The following SMC4 variants were observed in gnomAD, a reference collection of about 807,000 sequenced individuals.
SMC4 encodes the protein structural maintenance of chromosomes protein 4.
A neutral mutation model predicts 145.6 loss-of-function variants in SMC4; 87 were observed. The observed-to-expected ratio is 0.60, with a 90% CI of 0.50 to 0.71. The LOEUF (loss-of-function observed/expected upper bound fraction) is 0.71. SMC4 is among the 30% of genes least tolerant of loss of function. The pLI, the probability that SMC4 is intolerant of heterozygous loss-of-function variation, is 0.00. For synonymous variants in SMC4, 558 were observed against 500.7 expected, an observed-to-expected ratio of 1.11 and a Z score of -1.53; for missense variants, 1,447 against 1,537.1, an observed-to-expected ratio of 0.94 and a Z score of 0.98.
At chr3:160,405,949 A>ATC (rs1338761852) in intron 5 of SMC4, among the ~76,000 whole-genome samples, 2 of 152,052 alleles carry the variant, frequency 1.3e-5, no homozygotes, top group African/African-American at 2.4e-5. Flanking sequence ...TCCTGGGATA[A>ATC]TCAAAGTTTT....
At position 160,430,719 on chromosome 3, in the gene SMC4, C is replaced by A. The variant is rs369797545; in HGVS notation, c.2916C>A (p.Val972=). 6.2e-7 allele frequency: 1 copy of A among 1,612,094 alleles called. No homozygotes were observed. Among genetic ancestry groups the A allele is most frequent in the Admixed American group, 1.7e-5 (1 of 59,458 alleles). The part of the protein sequence containing the change: ...LKSLEDKAAE[V]VKNTNAAEES... ...GTCTTGAGGACAAAGCAGCAGAGGTCGTAAAGAATACAAATGCTGCAGAGG... is the reference window on the plus strand; with the variant it reads ...GTCTTGAGGACAAAGCAGCAGAGGTAGTAAAGAATACAAATGCTGCAGAGG... Residue 972 remains valine (V), a synonymous_variant, in exon 19 of 24, where the codon GTC becomes GTA. Transcript: ENST00000357388.
chr3:160,402,529 C>T lies in SMC4; in HGVS notation c.319-147C>T, dbSNP rs536505073. The T allele has an allele frequency of 7.0e-6, 5 of 711,430 alleles. No homozygotes were observed. The East Asian group carries it at 1.1e-4, about 16-fold the overall frequency. The allele number at this position is 711,430 out of a possible 1,614,324, so 44.1% of individuals were successfully genotyped here. On this transcript the variant is annotated intron_variant, in intron 3 of 23. Transcript: ENST00000357388. ...GAACTTGATGTAAGAAAACTCAAGT[C>T]GTATGCCTGTGATTAGCAATGAGAA...
chr3:160,403,051 G>A (rs550283084), intron 4 of SMC4, among the ~76,000 whole-genome samples, 184 bp downstream of exon 4: 1 of 152,102 alleles, frequency 6.6e-6, no homozygotes, highest in South Asian at 2.1e-4. Flanking sequence ...TTATTTTTTA[G>A]CTAAAGAAAT....
chr3:160,414,189 A>G lies in SMC4; in HGVS notation c.1122-178A>G, dbSNP rs1253388880. On this transcript the variant is annotated intron_variant, in intron 8 of 23. Transcript: ENST00000357388. Reference sequence around the variant, plus strand: ...AGGCAAAATAGCTGTCATAATCAAAAATACAGGTGCTTCTTCAACTATGGG... The same window carrying G: ...AGGCAAAATAGCTGTCATAATCAAAGATACAGGTGCTTCTTCAACTATGGG... The G allele has an allele frequency of 7.9e-6, 5 of 632,498 alleles. No homozygotes were observed. In the East Asian group the frequency reaches 1.7e-4, roughly 21 times the overall value. 39.2% of individuals were successfully genotyped at this position (632,498 alleles called of 1,614,324 possible). A position where few individuals can be genotyped will look rare whatever the true frequency, so the allele number is the denominator to read the frequency against.
At chr3:160,414,172 T>C (rs1272473612) in intron 8 of SMC4, 195 bp from the exon 9 acceptor site, 1 of 596,026 alleles carries the variant, frequency 1.7e-6, no homozygotes, top group African/African-American at 1.8e-5. Context: ...AAAGGCAAAA[T>C]AGCTGTCATA....
intron 15 of SMC4, 97 bp downstream of exon 15, chr3:160,423,937 G>A (rs969102375): frequency 2.5e-6 from 2 of 808,412 alleles, no homozygotes; most frequent in African/African-American, 1.8e-5. Context: ...TTTAAGTATG[G>A]TGTACTCAAA....
intron 16 of SMC4, among the ~76,000 whole-genome samples, chr3:160,425,560 CT>C (rs1290660595): frequency 6.6e-6 from 1 of 151,882 alleles, no homozygotes; most frequent in African/African-American, 2.4e-5. Flanking sequence ...TATAAATGTA[CT>C]TTGTTTTTAA....
In SMC4 at chr3:160,432,859, C is replaced by G. The variant is rs1209148238; in HGVS notation, c.3531-167C>G. On this transcript the variant is annotated intron_variant, in intron 22 of 23. Transcript: ENST00000357388. ...TTGGTATGTGCTCCTATGTATGCATCCTCCAATAACGTTTTTATAAAATAA... is the reference window on the plus strand; with the variant it reads ...TTGGTATGTGCTCCTATGTATGCATGCTCCAATAACGTTTTTATAAAATAA... The G allele has an allele frequency of 5.1e-6, 3 of 593,186 alleles. No homozygotes were observed. In the African/African-American group the frequency reaches 5.6e-5, roughly 11 times the overall value. 36.7% of individuals were successfully genotyped at this position (593,186 alleles called of 1,614,324 possible).
rs1287969090 is a variant in SMC4 at position 160,419,532 on chromosome 3, T to C, written c.1846T>C (p.Tyr616His). 1.9e-6 allele frequency: 3 copies of C among 1,592,158 alleles called. No homozygotes were observed. The highest frequency in any genetic ancestry group is 2.6e-6 in the Non-Finnish European group (3 of 1,174,638). ...EKKSGRIPGI[Y>H]GRLGDLGAID... Reference sequence around the variant, plus strand: ...AAAATCTGGCAGGATTCCAGGAATATATGGAAGATTGGTAAAGTAGATTTT... The same window carrying C: ...AAAATCTGGCAGGATTCCAGGAATACATGGAAGATTGGTAAAGTAGATTTT... The change falls in exon 12 of 24, where the codon TAT becomes CAT. Residue 616 changes from tyrosine (Y) to histidine (H), a missense_variant. Transcript: ENST00000357388.
At chr3:160,432,157 G>A (rs138417704) in intron 21 of SMC4, 126 bp from the exon 22 acceptor site, 43 of 729,512 alleles carry the variant, frequency 5.9e-5, no homozygotes, top group Admixed American at 3.9e-4. Context: ...AGCCGAGATC[G>A]CGCCATTGCA....
In SMC4 at chr3:160,432,498, T is replaced by G; in HGVS notation, c.3513T>G (p.Ser1171=). The G allele has an allele frequency of 6.3e-7, 1 of 1,599,736 alleles. No individual in the cohort carries two copies. ...TTGTAGACAGCTTGGATCCTTTCTC[T>G]GAAGGAATCATGTTCAGGTGTGTAA... ...LELVDSLDPF[S]EGIMFSVRPP... is the part of the protein sequence containing the mutation. Residue 1171 remains serine, a synonymous_variant, in exon 22 of 24, where the codon TCT becomes TCG. Transcript: ENST00000357388.
chr3:160,400,302 C>G (rs1048949604), intron 1 of SMC4: 2 of 152,476 alleles, frequency 1.3e-5, no homozygotes, highest in African/African-American at 4.8e-5. Context: ...GCGCCAGGAG[C>G]TAAAGGGCGG....
Position 160,431,632 on chromosome 3 carries a change from T to C in SMC4, c.3115-11T>C. The C allele has an allele frequency of 6.4e-7, 1 of 1,564,844 alleles. No individual in the cohort carries two copies. Among genetic ancestry groups the C allele is most frequent in the Non-Finnish European group, 8.6e-7 (1 of 1,161,714 alleles). On this transcript the variant is annotated splice_polypyrimidine_tract_variant and intron_variant, in intron 20 of 23. Coordinates refer to ENST00000357388, the MANE Select transcript of SMC4 (RefSeq NM_001002800.3). ...TGCCTTCTCTAACTCTCCCCTAAAT[T>C]GAACTTTTAGATTTCAAAAATATCA...
intron 13 of SMC4, among the ~76,000 whole-genome samples, 192 bp from the exon 14 acceptor site, chr3:160,423,233 C>T (rs577095028): frequency 6.6e-6 from 1 of 152,156 alleles, no homozygotes; most frequent in South Asian, 2.1e-4. Flanking sequence ...ATAGTATAGG[C>T]ATCTTAACGG....
intron 11 of SMC4, among the ~76,000 whole-genome samples, chr3:160,419,040 A>G (rs1041328914): frequency 6.6e-5 from 10 of 152,222 alleles, no homozygotes; most frequent in South Asian, 2.1e-4. Flanking sequence ...ACACTTATGT[A>G]TAACTATGTA....
chr3:160,408,326 C>T (rs1053616848), intron 5 of SMC4, among the ~76,000 whole-genome samples: 1 of 152,204 alleles, frequency 6.6e-6, no homozygotes. Context: ...GATTTCTAAG[C>T]TGTATTTCAG....
intron 19 of SMC4, 90 bp downstream of exon 19, chr3:160,430,833 A>AGC: frequency 7.1e-7 from 1 of 1,404,076 alleles, no homozygotes; most frequent in Non-Finnish European, 9.6e-7. Flanking sequence ...GAATGTAGTA[A>AGC]GCACTCATAG....
chr3:160,431,642 G>T lies in SMC4; in HGVS notation c.3115-1G>T. On this transcript the variant is annotated splice_acceptor_variant, in intron 20 of 23. Transcript: ENST00000357388. LOFTEE classifies it high-confidence loss of function. ...AACTCTCCCCTAAATTGAACTTTTA[G>T]ATTTCAAAAATATCACTGCATCCTA... 1 of 1,571,096 alleles carries T rather than the reference G, an allele frequency of 6.4e-7. No homozygotes were observed. Among genetic ancestry groups the T allele is most frequent in the South Asian group, 1.2e-5 (1 of 83,746 alleles).
chr3:160,415,139 A>C (rs774805710), intron 9 of SMC4, among the ~76,000 whole-genome samples: 1 of 152,182 alleles, frequency 6.6e-6, no homozygotes, highest in African/African-American at 2.4e-5. Context: ...TGGGCGGCCA[A>C]AGTTGGAGAA....
Sources: gnomAD v4.1 joint callset for allele counts (sites outside exome capture counted in the v4.1 genomes callset) on GRCh38, gnomAD v4.1.1 for gene constraint, MANE v1.5 for transcripts, NCBI Gene and HGNC (gene_info 2026-07-23, HGNC 2026-07-21) for gene names.